CLDN15: variants seen among roughly 807,000 people sequenced by gnomAD.
CLDN15 encodes claudin-15.
CLDN15 carries 9 observed loss-of-function variants against 24.5 expected under a neutral mutation model. That is an observed-to-expected ratio of 0.37 (90% CI 0.22 to 0.64). The LOEUF is 0.64. Ranked by LOEUF, CLDN15 falls within the 30% of genes least tolerant of loss-of-function variation. CLDN15 has a pLI of 0.63. For synonymous variants in CLDN15, 149 were observed against 131.4 expected (o/e 1.13, Z -0.92); for missense variants, 248 against 305.9 (o/e 0.81, Z 1.41).
At chr7:101,234,214 G>A in intron 2 of CLDN15, 64 bp downstream of exon 2, 1 of 1,303,970 alleles carries the variant, frequency 7.7e-7, no homozygotes, top group South Asian at 1.2e-5. Context: ...GATTAGATGA[G>A]GACAAAGCAG....
At position 101,237,263 on chromosome 7, in the gene CLDN15, A is replaced by T; in HGVS notation, c.217+102T>A. The T allele has an allele frequency of 2.5e-6, 2 of 803,670 alleles. No individual in the cohort carries two copies. The highest frequency in any genetic ancestry group is 4.2e-6 in the Non-Finnish European group (2 of 473,816). 49.8% of individuals were successfully genotyped at this position (803,670 alleles called of 1,614,324 possible). ...GCGGGAACTCAGACCCGCAGAGCTT[A>T]ATTCAGGGCTCCCTGCATCCTCACG... On this transcript the variant is annotated intron_variant, in intron 1 of 4. Transcript: ENST00000308344. This position sits in a 1 kb window ranked among gnomAD's most constrained non-coding sequence, Gnocchi z 4.0.
In CLDN15 at chr7:101,237,779, T is replaced by C. The variant is rs1798660643; in HGVS notation, c.-198A>G. On this transcript the variant is annotated 5_prime_UTR_variant, in exon 1 of 5. Transcript: ENST00000308344. The surrounding 1 kb of genome is among the most constrained non-coding windows in gnomAD (Gnocchi z 4.0). Reference sequence around the variant, plus strand: ...CTCCCTCCTGCTCTGTGGGTCTCTCTGCTTCCTGGCAGGTCAGAGGAATGA... The same window carrying C: ...CTCCCTCCTGCTCTGTGGGTCTCTCCGCTTCCTGGCAGGTCAGAGGAATGA... 1.7e-6 allele frequency: 1 copy of C among 603,984 alleles called. No homozygotes were observed. The allele number at this position is 603,984 out of a possible 1,614,324, so 37.4% of individuals were successfully genotyped here. A position where few individuals can be genotyped will look rare whatever the true frequency, so the allele number is the denominator to read the frequency against.
Position 101,237,308 on chromosome 7 carries a change from G to C in CLDN15, c.217+57C>G. 8.8e-7 allele frequency: 1 copy of C among 1,137,314 alleles called. No individual in the cohort carries two copies. Among genetic ancestry groups the C allele is most frequent in the Non-Finnish European group, 1.3e-6 (1 of 768,446 alleles). The allele number at this position is 1,137,314 out of a possible 1,614,324, so 70.5% of individuals were successfully genotyped here. ...CTCACGGAAGTACCCGCCCTCCCCT[G>C]GGGTCTCTGCAGCTTCCCCGCCGCC... On this transcript the variant is annotated intron_variant, in intron 1 of 4. Coordinates refer to ENST00000308344, the MANE Select transcript of CLDN15 (RefSeq NM_014343.3). The surrounding 1 kb of genome is among the most constrained non-coding windows in gnomAD (Gnocchi z 4.0).
At chr7:101,233,347 C>A (rs140807620) in intron 2 of CLDN15, among the ~76,000 whole-genome samples, 1 of 152,134 alleles carries the variant, frequency 6.6e-6, no homozygotes, top group Non-Finnish European at 1.5e-5. Context: ...GGCAGACCCC[C>A]GGGCTAGCAC....
intron 1 of CLDN15, among the ~76,000 whole-genome samples, chr7:101,235,482 G>T (rs1393098037): frequency 6.6e-6 from 1 of 152,176 alleles, no homozygotes; most frequent in Non-Finnish European, 1.5e-5. Context: ...GGTCAGTCTA[G>T]CTCAGTCTTT....
chr7:101,234,203 A>G (rs1798579674), intron 2 of CLDN15, 75 bp downstream of exon 2: 2 of 1,156,332 alleles, frequency 1.7e-6, no homozygotes, highest in Admixed American at 3.4e-5. Flanking sequence ...ATTGGAGAGG[A>G]GATTAGATGA....
At chr7:101,237,890 G>C (rs1272930849), upstream of CLDN15, 4 of 397,388 alleles carry the variant, frequency 1.0e-5, no homozygotes, top group Non-Finnish European at 1.4e-5. The surrounding 1 kb of genome is among the most constrained non-coding windows in gnomAD (Gnocchi z 4.0). Flanking sequence ...CCAGCCTCTG[G>C]GCTGCCCCGG....
chr7:101,236,801 C>T (rs1396295430), intron 1 of CLDN15: 1 of 1,291,260 alleles, frequency 7.7e-7, no homozygotes, highest in Non-Finnish European at 1.0e-6. Context: ...TTGCAAGACG[C>T]CTCCCTTCAC....
Position 101,232,520 on chromosome 7 carries a change from G to A in CLDN15, c.582-5C>T, listed in dbSNP as rs1798521153. 2 of 1,606,880 alleles carry A rather than the reference G, an allele frequency of 1.2e-6. No homozygotes were observed. Among genetic ancestry groups the A allele is most frequent in the Non-Finnish European group, 1.7e-6 (2 of 1,174,368 alleles). On this transcript the variant is annotated splice_region_variant and splice_polypyrimidine_tract_variant and intron_variant, in intron 4 of 4. Coordinates refer to ENST00000308344, the MANE Select transcript of CLDN15 (RefSeq NM_014343.3). ...GCCTGGTAGGGCCGCCGGGCGCTGC[G>A]GGGAGGGCCCGGGGTCAGAGCGGGG... is the stretch of plus-strand genomic sequence containing the variant.
In CLDN15 at chr7:101,232,894, T is replaced by A; in HGVS notation, c.403A>T (p.Ile135Phe). Reference sequence around the variant, plus strand: ...GTGATGTTGAAGGCGTACCAGGAGATGGCCACCATCCCGCAGATACCTGGG... The same window carrying A: ...GTGATGTTGAAGGCGTACCAGGAGAAGGCCACCATCCCGCAGATACCTGGG... The part of the protein sequence containing the change: ...ILAGICGMVA[I>F]SWYAFNITRD... Residue 135 changes from isoleucine to phenylalanine, a missense_variant, in exon 3 of 5, where the codon ATC (isoleucine) becomes TTC (phenylalanine). By Grantham distance (21) the Ile-to-Phe change is conservative. Transcript: ENST00000308344. 6.4e-7 allele frequency: 1 copy of A among 1,556,728 alleles called. No homozygotes were observed. Among genetic ancestry groups the A allele is most frequent in the Non-Finnish European group, 8.7e-7 (1 of 1,148,446 alleles).
intron 2 of CLDN15, 110 bp downstream of exon 2, chr7:101,234,168 G>A: frequency 2.2e-6 from 2 of 892,402 alleles, no homozygotes; most frequent in Non-Finnish European, 1.9e-6. Flanking sequence ...CAGCAGGGTA[G>A]GGGAGGTGAG....
intron 2 of CLDN15, chr7:101,234,070 G>A (rs1584266370): frequency 1.4e-6 from 1 of 704,584 alleles, no homozygotes; most frequent in East Asian, 2.7e-5. Flanking sequence ...AGCCCCTACT[G>A]GGAGCTCAAG....
chr7:101,234,838 C>T (rs1661416737), intron 1 of CLDN15, among the ~76,000 whole-genome samples: 1 of 151,970 alleles, frequency 6.6e-6, no homozygotes. Context: ...GCATCTGGGC[C>T]CCTCCCACCC....
chr7:101,232,595 C>G lies in CLDN15; in HGVS notation c.581+9G>C. The G allele has an allele frequency of 6.3e-7, 1 of 1,594,868 alleles. No homozygotes were observed. The highest frequency in any genetic ancestry group is 8.5e-7 in the Non-Finnish European group (1 of 1,170,848). ...CGCCCGGCCCCAGCCTGCGCCTCAC[C>G]CTGCTCACCTGGCGGCTGGGTCCTC... On this transcript the variant is annotated intron_variant, in intron 4 of 4. Coordinates refer to ENST00000308344, the MANE Select transcript of CLDN15 (RefSeq NM_014343.3).
chr7:101,232,571 G>C (rs749441749), intron 4 of CLDN15, 33 bp downstream of exon 4: 2 of 1,595,088 alleles, frequency 1.3e-6, no homozygotes, highest in African/African-American at 1.3e-5. Context: ...CTCCAATCCC[G>C]CCCGGCCCCA....
intron 2 of CLDN15, chr7:101,233,878 C>T (rs1562903971): frequency 3.1e-6 from 1 of 327,588 alleles, no homozygotes; most frequent in Non-Finnish European, 6.1e-6. Flanking sequence ...CCCACCTCAG[C>T]CTACCAAAGT....
chr7:101,236,676 T>A, intron 1 of CLDN15: 1 of 1,223,242 alleles, frequency 8.2e-7, no homozygotes, highest in South Asian at 1.3e-5. Flanking sequence ...AGAACTGCCC[T>A]GGGCCCAAAG....
intron 1 of CLDN15, chr7:101,236,758 C>A: frequency 7.7e-7 from 1 of 1,291,406 alleles, no homozygotes; most frequent in Non-Finnish European, 1.0e-6. Context: ...TGCACACACA[C>A]CGCCTCCTTA....
In CLDN15 at chr7:101,232,458, T is replaced by C. The variant is rs760220419; in HGVS notation, c.639A>G (p.Gln213=). 2.5e-6 allele frequency: 4 copies of C among 1,613,578 alleles called. No individual in the cohort carries two copies. Among genetic ancestry groups the C allele is most frequent in the Admixed American group, 3.3e-5 (2 of 60,002 alleles). ...ATTTGCCAAAGCTGCTGTCGCCTTC[T>C]TGGTCCGAGGTGGCGACGGGCATCA... ...VSVMPVATSD[Q]EGDSSFGKYG... Residue 213 remains glutamine, a synonymous_variant, in exon 5 of 5, where the codon CAA becomes CAG. Coordinates refer to ENST00000308344, the MANE Select transcript of CLDN15 (RefSeq NM_014343.3).
Sources: allele counts gnomAD v4.1 joint callset (sites outside exome capture counted in the v4.1 genomes callset), GRCh38; gene constraint gnomAD v4.1.1; non-coding constraint Gnocchi (gnomAD v3.1); transcripts MANE v1.5; gene names NCBI Gene and HGNC (gene_info 2026-07-23, HGNC 2026-07-21).